The following IMPG1 variants were observed in gnomAD, a reference collection of about 807,000 sequenced individuals.
IMPG1 encodes interphotoreceptor matrix proteoglycan of 150 kDa.
In IMPG1, 85 loss-of-function variants were observed where a neutral mutation model predicts 92.0. That is an observed-to-expected ratio of 0.92 (90% CI 0.78 to 1.11). IMPG1 has a LOEUF of 1.11. Among genes scored for constraint, IMPG1 ranks in the 50% least tolerant of loss-of-function variants. The pLI, the probability that IMPG1 is intolerant of heterozygous loss-of-function variation, is 0.00. For synonymous variants in IMPG1, 367 were observed against 334.1 expected, an observed-to-expected ratio of 1.10 and a Z score of -1.08; for missense variants, 1,022 against 956.0, an observed-to-expected ratio of 1.07 and a Z score of -0.91.
At chr6:75,928,149 T>C (rs903367203) in intron 15 of IMPG1, among the ~76,000 whole-genome samples, 1 of 152,116 alleles carries the variant, frequency 6.6e-6, no homozygotes, top group East Asian at 1.9e-4. Context: ...TTATTCACTT[T>C]AATCCAGCCT....
At chr6:75,978,921 G>A (rs1435790287) in intron 12 of IMPG1, among the ~76,000 whole-genome samples, 1 of 151,918 alleles carries the variant, frequency 6.6e-6, no homozygotes, top group Non-Finnish European at 1.5e-5. Context: ...ACTTTTTTGG[G>A]GGGTGGGGAG....
At chr6:75,999,016 C>T (rs1353943955) in intron 12 of IMPG1, among the ~76,000 whole-genome samples, 1 of 152,134 alleles carries the variant, frequency 6.6e-6, no homozygotes, top group African/African-American at 2.4e-5. Context: ...AGTACTACTC[C>T]TGACTTATTT....
rs117148614 is a variant in IMPG1, at chr6:75,976,887, G to A, written c.1292-25793C>T. ...AGATTGTGCCACTGCACTCCAGTCT[G>A]GCAGACAGTAAGATTCCGTCTTAAA... On this transcript the variant is annotated intron_variant, in intron 12 of 16. Transcript: ENST00000369950. Among the ~76,000 whole-genome samples the A allele has an allele frequency of 6.0e-3, 900 of 150,396 alleles. 38 individuals are homozygous for A. In the East Asian group the frequency reaches 0.099, roughly 16 times the overall value.
intron 8 of IMPG1, among the ~76,000 whole-genome samples, chr6:76,008,605 T>C (rs1001370638): frequency 8.5e-5 from 13 of 152,276 alleles, no homozygotes; most frequent in Admixed American, 7.2e-4. Flanking sequence ...CAGACACTCA[T>C]CCTCCCTCTT....
chr6:76,061,881 G>T (rs1000945715), intron 1 of IMPG1, among the ~76,000 whole-genome samples: 14 of 152,216 alleles, frequency 9.2e-5, no homozygotes, highest in African/African-American at 3.4e-4. Context: ...TGTTCTTTGA[G>T]CTCTTCAACT....
At chr6:76,010,170 A>G (rs1783161119) in intron 8 of IMPG1, among the ~76,000 whole-genome samples, 1 of 152,184 alleles carries the variant, frequency 6.6e-6, no homozygotes, top group Non-Finnish European at 1.5e-5. Context: ...CTCCCTGCAA[A>G]GCTATTTCTT....
At chr6:76,026,426 C>A (rs1265584003) in intron 4 of IMPG1, among the ~76,000 whole-genome samples, 1 of 152,184 alleles carries the variant, frequency 6.6e-6, no homozygotes, top group East Asian at 1.9e-4. Flanking sequence ...CCCCATACCC[C>A]ATTGCTCCTG....
At chr6:75,997,288 GC>G (rs1782918536) in intron 12 of IMPG1, among the ~76,000 whole-genome samples, 1 of 152,202 alleles carries the variant, frequency 6.6e-6, no homozygotes, top group African/African-American at 2.4e-5. Context: ...GAAAGAACAG[GC>G]AAAAATATTG....
chr6:76,062,968 C>T (rs1319691297), intron 1 of IMPG1, among the ~76,000 whole-genome samples: 1 of 151,370 alleles, frequency 6.6e-6, no homozygotes, highest in Non-Finnish European at 1.5e-5. Flanking sequence ...CTTTAGGAGG[C>T]CGAGGTGAGT....
intron 1 of IMPG1, among the ~76,000 whole-genome samples, chr6:76,057,850 T>A (rs1404627411): frequency 6.6e-6 from 1 of 152,188 alleles, no homozygotes; most frequent in African/African-American, 2.4e-5. Flanking sequence ...TAACATTGTG[T>A]CATCTTTCCA....
chr6:76,027,018 A>T (rs1177233525), intron 4 of IMPG1, among the ~76,000 whole-genome samples: 1 of 152,188 alleles, frequency 6.6e-6, no homozygotes, highest in Non-Finnish European at 1.5e-5. Flanking sequence ...TACTGTGTGT[A>T]ACGTCTGTCA....
At chr6:75,958,207 A>G (rs957402473) in intron 12 of IMPG1, among the ~76,000 whole-genome samples, 3 of 152,160 alleles carry the variant, frequency 2.0e-5, no homozygotes, top group African/African-American at 4.8e-5. Context: ...AGAATGTTGA[A>G]TATTGGTCCC....
At chr6:76,031,987 T>C (rs1173017670) in intron 4 of IMPG1, among the ~76,000 whole-genome samples, 8 of 152,268 alleles carry the variant, frequency 5.3e-5, no homozygotes, top group Admixed American at 5.2e-4. Context: ...CAAAGTCATT[T>C]GAAACTGGCA....
intron 10 of IMPG1, among the ~76,000 whole-genome samples, chr6:76,004,303 A>C (rs568893675): frequency 6.6e-6 from 1 of 152,322 alleles, no homozygotes; most frequent in South Asian, 2.1e-4. Flanking sequence ...GACTAGAATA[A>C]ATACTGGAAC....
At chr6:76,050,553 C>T (rs1428266260) in intron 1 of IMPG1, among the ~76,000 whole-genome samples, 2 of 152,154 alleles carry the variant, frequency 1.3e-5, no homozygotes, top group African/African-American at 2.4e-5. Context: ...GGCCATGTGA[C>T]CACAATGTTG....
intron 1 of IMPG1, among the ~76,000 whole-genome samples, chr6:76,061,688 G>C (rs991075935): frequency 2.6e-5 from 4 of 152,138 alleles, no homozygotes; most frequent in Non-Finnish European, 5.9e-5. Context: ...TTTAGGACTT[G>C]GCAAGGGTAA....
chr6:76,009,762 TAACATTTTGGTTTACTTCTAA>T (rs1783153409), intron 8 of IMPG1, among the ~76,000 whole-genome samples: 1 of 152,242 alleles, frequency 6.6e-6, no homozygotes, highest in Non-Finnish European at 1.5e-5. Flanking sequence ...TTTCATCATC[TAACATTTTGGTTTACTTCTAA>T]AACAGATTTT....
chr6:76,046,191 C>T (rs1783938795), intron 1 of IMPG1, among the ~76,000 whole-genome samples: 1 of 152,164 alleles, frequency 6.6e-6, no homozygotes, highest in African/African-American at 2.4e-5. Flanking sequence ...AAACACCAAG[C>T]TACAGCTACT....
chr6:75,988,298 C>G (rs936895969), intron 12 of IMPG1, among the ~76,000 whole-genome samples: 1 of 152,196 alleles, frequency 6.6e-6, no homozygotes, highest in African/African-American at 2.4e-5. Context: ...TTTCTGACTT[C>G]TTAATGATCG....
Sources: allele counts gnomAD v4.1 joint callset (sites outside exome capture counted in the v4.1 genomes callset), GRCh38; gene constraint gnomAD v4.1.1; transcripts MANE v1.5; gene names NCBI Gene and HGNC (gene_info 2026-07-23, HGNC 2026-07-21).